The following CDH13 variants were observed in gnomAD, a reference collection of about 807,000 sequenced individuals.
CDH13 encodes the protein cadherin 13, also known as cadherin-13.
CDH13 carries 24 observed loss-of-function variants against 63.8 expected under a neutral mutation model. The observed-to-expected ratio is 0.38, with a 90% CI of 0.27 to 0.53. The LOEUF (loss-of-function observed/expected upper bound fraction) is 0.53, where lower values mean the gene tolerates loss of function less well. Ranked by LOEUF, CDH13 falls within the 20% of genes least tolerant of loss-of-function variation. The pLI, the probability that CDH13 is intolerant of heterozygous loss-of-function variation, is 0.85. For missense variants in CDH13, 1,049 were observed against 903.1 expected (o/e 1.16, Z -2.07); for synonymous variants, 503 against 355.3 (o/e 1.42, Z -4.67).
chr16:82,773,810 G>GT (rs150226975), intron 1 of CDH13, among the ~76,000 whole-genome samples: 34,088 of 149,130 alleles, frequency 0.23, 4,413 homozygotes, highest in South Asian at 0.37. Context: ...TTTAAATGGA[G>GT]TTTCACACTG....
chr16:83,202,530 C>G (rs754318100), intron 4 of CDH13, among the ~76,000 whole-genome samples: 2 of 152,100 alleles, frequency 1.3e-5, no homozygotes, highest in Non-Finnish European at 2.9e-5. Context: ...AAGGCACATG[C>G]AAGGCAGAAC....
At chr16:83,523,590 C>T (rs992693959) in intron 7 of CDH13, among the ~76,000 whole-genome samples, 4 of 152,194 alleles carry the variant, frequency 2.6e-5, no homozygotes, top group African/African-American at 9.6e-5. Flanking sequence ...CCTCCATTTC[C>T]CATTCCTGAG....
At chr16:83,652,927 A>G (rs945897814) in intron 8 of CDH13, among the ~76,000 whole-genome samples, 3 of 152,220 alleles carry the variant, frequency 2.0e-5, no homozygotes, top group Non-Finnish European at 2.9e-5. Context: ...AAATGGAGAA[A>G]CAAAACATGG....
chr16:83,511,888 G>C (rs1053728111), intron 7 of CDH13, among the ~76,000 whole-genome samples: 21 of 152,178 alleles, frequency 1.4e-4, no homozygotes, highest in Admixed American at 9.2e-4. Context: ...GCCTGGGCAT[G>C]TTATTTAACC....
intron 7 of CDH13, among the ~76,000 whole-genome samples, chr16:83,536,535 A>G (rs1041103143): frequency 7.2e-5 from 11 of 152,158 alleles, no homozygotes; most frequent in Non-Finnish European, 1.6e-4. Flanking sequence ...TGGAGAGGCC[A>G]CCAAGAGCTG....
intron 7 of CDH13, among the ~76,000 whole-genome samples, chr16:83,580,246 G>C (rs1341163121): frequency 6.6e-6 from 1 of 152,100 alleles, no homozygotes; most frequent in Non-Finnish European, 1.5e-5. Context: ...ATGTGCGTGA[G>C]GTGATGCTAT....
intron 1 of CDH13, among the ~76,000 whole-genome samples, chr16:82,667,795 C>T (rs906507244): frequency 6.6e-6 from 1 of 152,122 alleles, no homozygotes; most frequent in Admixed American, 6.5e-5. Flanking sequence ...ATGTCCTGAG[C>T]TTTTCTGTAC....
intron 7 of CDH13, among the ~76,000 whole-genome samples, chr16:83,597,940 G>C (rs1226683203): frequency 6.6e-6 from 1 of 152,176 alleles, no homozygotes; most frequent in Non-Finnish European, 1.5e-5. Flanking sequence ...GAATATGACT[G>C]TCCTCAACGC....
At position 83,034,705 on chromosome 16, in the gene CDH13, C is replaced by T. The variant is rs149278413; in HGVS notation, c.366+2487C>T. Among the ~76,000 whole-genome samples, 12 of 152,198 alleles carry T rather than the reference C, an allele frequency of 7.9e-5. No individual in the cohort carries two copies. The East Asian group carries it at 1.4e-3, about 17-fold the overall frequency. ...TTCTATCTGGAAAAGATACTGTCATCGTATTTTGCTTCAAAGAGAGCAGAA... is the reference window on the plus strand; with the variant it reads ...TTCTATCTGGAAAAGATACTGTCATTGTATTTTGCTTCAAAGAGAGCAGAA... On this transcript the variant is annotated intron_variant, in intron 3 of 13. Transcript: ENST00000567109.
intron 4 of CDH13, among the ~76,000 whole-genome samples, chr16:83,165,512 G>A (rs569495983): frequency 2.6e-5 from 4 of 152,088 alleles, no homozygotes; most frequent in Non-Finnish European, 4.4e-5. Context: ...GCAGAGGAGG[G>A]TGCTAAGTTC....
chr16:83,153,484 G>T (rs534742506), intron 4 of CDH13, among the ~76,000 whole-genome samples: 4 of 152,086 alleles, frequency 2.6e-5, no homozygotes, highest in African/African-American at 9.7e-5. Flanking sequence ...CTAATCCCCA[G>T]GCAAGAAAGA....
chr16:83,280,147 T>G (rs894770644), intron 5 of CDH13, among the ~76,000 whole-genome samples: 8 of 152,210 alleles, frequency 5.3e-5, no homozygotes, highest in African/African-American at 1.9e-4. Flanking sequence ...TTTTCCAAAA[T>G]CTTTCTCTGT....
At chr16:83,036,961 C>A (rs146391612) in intron 3 of CDH13, among the ~76,000 whole-genome samples, 173 of 152,202 alleles carry the variant, frequency 1.1e-3, no homozygotes, top group African/African-American at 4.0e-3. Context: ...AACATGTGGG[C>A]AGACAGGATG....
intron 1 of CDH13, among the ~76,000 whole-genome samples, chr16:82,690,097 G>A (rs1428711590): frequency 1.4e-5 from 2 of 145,590 alleles, no homozygotes; most frequent in Non-Finnish European, 3.0e-5. Flanking sequence ...GAACCTGGGA[G>A]GCAGAGGTTG....
At chr16:83,625,845 T>C (rs1295554904) in intron 8 of CDH13, among the ~76,000 whole-genome samples, 1 of 152,066 alleles carries the variant, frequency 6.6e-6, no homozygotes, top group East Asian at 1.9e-4. Flanking sequence ...GGCCTACCCT[T>C]TTACGTAAGC....
intron 8 of CDH13, among the ~76,000 whole-genome samples, chr16:83,654,376 C>T (rs978189281): frequency 6.6e-6 from 1 of 151,914 alleles, no homozygotes; most frequent in Non-Finnish European, 1.5e-5. Context: ...TAGGAACAGC[C>T]CCTGAATTTA....
chr16:83,088,950 T>A (rs1309255529), intron 3 of CDH13, among the ~76,000 whole-genome samples: 1 of 152,216 alleles, frequency 6.6e-6, no homozygotes, highest in East Asian at 1.9e-4. Context: ...CATTAATATA[T>A]GATCAATAGA....
chr16:83,405,728 C>G (rs2151448805), intron 6 of CDH13, among the ~76,000 whole-genome samples: 1 of 152,290 alleles, frequency 6.6e-6, no homozygotes, highest in Middle Eastern at 3.4e-3. Context: ...CTGAGTTGTT[C>G]TTTACTAATA....
chr16:83,349,135 A>C (rs973885914), intron 6 of CDH13, among the ~76,000 whole-genome samples: 4 of 152,230 alleles, frequency 2.6e-5, no homozygotes, highest in African/African-American at 9.6e-5. Flanking sequence ...ATGAAGGAAG[A>C]TCAGCAGAAC....
Sources: gnomAD v4.1 joint callset for allele counts (sites outside exome capture counted in the v4.1 genomes callset) on GRCh38, gnomAD v4.1.1 for gene constraint, MANE v1.5 for transcripts, NCBI Gene and HGNC (gene_info 2026-07-23, HGNC 2026-07-21) for gene names.